The following PARP16 variants were observed in gnomAD, a reference collection of about 807,000 sequenced individuals.
PARP16 encodes the protein protein mono-ADP-ribosyltransferase PARP16.
Under a neutral mutation model 35.0 loss-of-function variants are expected in PARP16, and 31 were observed. That is an observed-to-expected ratio of 0.88 (90% CI 0.66 to 1.19). The LOEUF (loss-of-function observed/expected upper bound fraction) is 1.19, where lower values mean the gene tolerates loss of function less well. PARP16 is among the 50% of genes most tolerant of loss of function. The pLI is 0.00. For synonymous variants in PARP16, 162 were observed against 169.5 expected, an observed-to-expected ratio of 0.96 and a Z score of 0.34; for missense variants, 424 against 411.2, an observed-to-expected ratio of 1.03 and a Z score of -0.27.
At chr15:65,252,386 A>G (rs868215605) in intron 2 of PARP16, among the ~76,000 whole-genome samples, 8 of 152,242 alleles carry the variant, frequency 5.3e-5, no homozygotes, top group African/African-American at 1.7e-4. Flanking sequence ...AAATCCCTAC[A>G]GACCTCTGAT....
At position 65,261,039 on chromosome 15, in the gene PARP16, AG is replaced by A; in HGVS notation, c.692-14del. The A allele has an allele frequency of 2.5e-6, 4 of 1,609,688 alleles. No homozygotes were observed. Among genetic ancestry groups the A allele is most frequent in the Non-Finnish European group, 3.4e-6 (4 of 1,176,576 alleles). On this transcript the variant is annotated splice_polypyrimidine_tract_variant and intron_variant, in intron 4 of 5. Transcript: ENST00000649807. ...ATCTCCTTGGAATCTGAATAAGGAG[AG>A]TAAAACACATCTTCACTGGGGGAAA...
intron 2 of PARP16, among the ~76,000 whole-genome samples, chr15:65,251,958 G>A (rs1036133860): frequency 1.3e-5 from 2 of 152,028 alleles, no homozygotes; most frequent in South Asian, 4.1e-4. Context: ...TAGAGACGGG[G>A]TTTCACCGTG....
intron 1 of PARP16, among the ~76,000 whole-genome samples, chr15:65,283,694 C>G (rs2090488161): frequency 6.6e-6 from 1 of 152,192 alleles, no homozygotes; most frequent in South Asian, 2.1e-4. Context: ...TGTCCTTGCT[C>G]TGGGCTTCCA....
chr15:65,268,817 C>T (rs10467936), intron 2 of PARP16, among the ~76,000 whole-genome samples: 61,182 of 151,886 alleles, frequency 0.4, 13,988 homozygotes, highest in East Asian at 0.86. Flanking sequence ...TGCAGTGGCA[C>T]GATCTTGGCT....
chr15:65,274,044 AC>A (rs1261184614), intron 1 of PARP16, among the ~76,000 whole-genome samples: 1 of 136,964 alleles, frequency 7.3e-6, no homozygotes, highest in African/African-American at 2.7e-5. Context: ...GATCCATCCC[AC>A]CCCCACCCGA....
At chr15:65,238,163 A>G (rs1208993006) in intron 3 of PARP16, among the ~76,000 whole-genome samples, 1 of 152,152 alleles carries the variant, frequency 6.6e-6, no homozygotes, top group Non-Finnish European at 1.5e-5. Flanking sequence ...TGGGGCCTGT[A>G]ATCCCAGCTA....
Position 65,273,276 on chromosome 15 carries a change from C to CAAAAAAAAAAAAAAAAAAAAAAAAAAAA in PARP16, c.175-2205_175-2204insTTTTTTTTTTTTTTTTTTTTTTTTTTTT, listed in dbSNP as rs1233896826. On this transcript the variant is annotated intron_variant, in intron 1 of 5. Coordinates refer to ENST00000649807, the MANE Select transcript of PARP16 (RefSeq NM_001316943.2). ...CTGGTGACAGAGAGAGACTCTGTCTCAAAAAAAAAAAAAAAAAAGAATACC... is the reference window on the plus strand; with the variant it reads ...CTGGTGACAGAGAGAGACTCTGTCTCAAAAAAAAAAAAAAAAAAAAAAAAAAAAAAAAAAAAAAAAAAAAAAGAATACC... Among the ~76,000 whole-genome samples the CAAAAAAAAAAAAAAAAAAAAAAAAAAAA allele has an allele frequency of 6.1e-4, 35 of 57,512 alleles. 1 individual carries two copies. Among genetic ancestry groups the CAAAAAAAAAAAAAAAAAAAAAAAAAAAA allele is most frequent in the Admixed American group, 1.2e-3 (4 of 3,422 alleles). The allele number at this position is 57,512 out of a possible 152,430, so 37.7% of individuals were successfully genotyped here.
intron 3 of PARP16, among the ~76,000 whole-genome samples, chr15:65,245,150 A>G (rs2089174770): frequency 6.6e-6 from 1 of 152,190 alleles, no homozygotes; most frequent in Non-Finnish European, 1.5e-5. Flanking sequence ...AGGGCTTTCA[A>G]ATCCCATGAA....
At chr15:65,230,992 G>T (rs1376386448), downstream of PARP16, among the ~76,000 whole-genome samples, 1 of 147,892 alleles carries the variant, frequency 6.8e-6, no homozygotes, top group African/African-American at 2.5e-5. Context: ...AGGGTCAAGT[G>T]ATTCTCCTGC....
chr15:65,268,485 G>A (rs1341302125), intron 2 of PARP16, among the ~76,000 whole-genome samples: 3 of 152,180 alleles, frequency 2.0e-5, no homozygotes, highest in Non-Finnish European at 2.9e-5. Flanking sequence ...TGGCTCTGTC[G>A]CCCAGGCTGG....
At chr15:65,263,935 A>T (rs1265067179) in intron 3 of PARP16, among the ~76,000 whole-genome samples, 1 of 152,206 alleles carries the variant, frequency 6.6e-6, no homozygotes, top group Non-Finnish European at 1.5e-5. Context: ...CCACCTGAGA[A>T]GGGAGGTAAT....
intron 3 of PARP16, 35 bp downstream of exon 3, chr15:65,266,527 T>A (rs1221771397): frequency 1.9e-6 from 3 of 1,557,280 alleles, no homozygotes; most frequent in Non-Finnish European, 2.7e-6. Flanking sequence ...CCATCCCTGC[T>A]TCCCCACATC....
At chr15:65,281,840 C>T (rs1410269945) in intron 1 of PARP16, among the ~76,000 whole-genome samples, 1 of 152,152 alleles carries the variant, frequency 6.6e-6, no homozygotes, top group African/African-American at 2.4e-5. Context: ...GTGGGGAGTT[C>T]TCAGGAAATC....
At chr15:65,245,656 C>T (rs1170493793) in intron 3 of PARP16, among the ~76,000 whole-genome samples, 1 of 152,090 alleles carries the variant, frequency 6.6e-6, no homozygotes, top group Non-Finnish European at 1.5e-5. Flanking sequence ...CCATCCTGCT[C>T]ACTGACAAAC....
chr15:65,243,881 G>T (rs1289585125), intron 3 of PARP16, among the ~76,000 whole-genome samples: 1 of 152,008 alleles, frequency 6.6e-6, no homozygotes, highest in Non-Finnish European at 1.5e-5. Context: ...TCTCCTGTCT[G>T]GTAGGCTCCT....
At chr15:65,280,861 A>G (rs2090401143) in intron 1 of PARP16, among the ~76,000 whole-genome samples, 1 of 152,226 alleles carries the variant, frequency 6.6e-6, no homozygotes, top group South Asian at 2.1e-4. Context: ...CAATTAGAGC[A>G]GTTTGGCACC....
At chr15:65,271,115 C>G (rs1315069189) in intron 1 of PARP16, 43 bp from the exon 2 acceptor site, 1 of 1,607,986 alleles carries the variant, frequency 6.2e-7, no homozygotes, top group Non-Finnish European at 8.5e-7. Context: ...ATCCCGGACA[C>G]AGTGATAATC....
At chr15:65,281,206 G>A (rs1197654499) in intron 1 of PARP16, among the ~76,000 whole-genome samples, 4 of 152,190 alleles carry the variant, frequency 2.6e-5, no homozygotes, top group East Asian at 1.9e-4. Context: ...CCTGAAGTTC[G>A]GAGGCCAATG....
downstream of PARP16, among the ~76,000 whole-genome samples, chr15:65,257,817 T>C (rs906997482): frequency 1.6e-4 from 24 of 152,158 alleles, no homozygotes; most frequent in African/African-American, 5.8e-4. Flanking sequence ...CTTGAAATGT[T>C]TGTCCATCTG....
Sources: gnomAD v4.1 joint callset for allele counts (sites outside exome capture counted in the v4.1 genomes callset) on GRCh38, gnomAD v4.1.1 for gene constraint, MANE v1.5 for transcripts, NCBI Gene and HGNC (gene_info 2026-07-23, HGNC 2026-07-21) for gene names.